SUGCT: variants seen among roughly 807,000 people sequenced by gnomAD.
The protein encoded by SUGCT is succinyl-CoA:glutarate CoA-transferase.
Under a neutral mutation model 55.0 loss-of-function variants are expected in SUGCT, and 41 were observed. The observed-to-expected ratio is 0.74, with a 90% CI of 0.58 to 0.97. SUGCT has a LOEUF of 0.97. Among genes scored for constraint, SUGCT ranks in the 50% least tolerant of loss-of-function variants. The probability of loss-of-function intolerance (pLI) is 0.00; values close to 1 mark genes in which losing one functional copy is unlikely to be tolerated. For missense variants in SUGCT, 568 were observed against 547.8 expected (o/e 1.04, Z -0.37); for synonymous variants, 187 against 200.4 (o/e 0.93, Z 0.56).
chr7:40,826,242 C>T (rs1322525103), intron 13 of SUGCT, among the ~76,000 whole-genome samples: 4 of 152,124 alleles, frequency 2.6e-5, no homozygotes, highest in Non-Finnish European at 4.4e-5. Flanking sequence ...TGAAGTAATT[C>T]CTGGCATCCT....
intron 10 of SUGCT, 141 bp from the exon 11 acceptor site, chr7:40,458,960 T>A: frequency 1.7e-6 from 1 of 594,114 alleles, no homozygotes; most frequent in Middle Eastern, 2.7e-4. Flanking sequence ...GCTTGTTCCC[T>A]CCATATGTCC....
intron 11 of SUGCT, among the ~76,000 whole-genome samples, chr7:40,480,999 G>T (rs1007274431): frequency 2.6e-5 from 4 of 152,124 alleles, no homozygotes; most frequent in African/African-American, 7.2e-5. Context: ...CATTAAACAT[G>T]GGGGCAGCAT....
At chr7:40,972,304 C>T in the SUGCT span, among the ~76,000 whole-genome samples, 1 of 152,194 alleles carries the variant, frequency 6.6e-6, no homozygotes, top group Non-Finnish European at 1.5e-5. Context: ...AAACAATCAT[C>T]ATAGCTGTCA....
At chr7:40,231,112 T>C (rs1386390991) in intron 6 of SUGCT, among the ~76,000 whole-genome samples, 4 of 152,134 alleles carry the variant, frequency 2.6e-5, no homozygotes, top group Non-Finnish European at 5.9e-5. Flanking sequence ...ATATGGACTG[T>C]TGGGGAATGC....
chr7:40,820,353 G>C (rs1469839084), intron 13 of SUGCT, among the ~76,000 whole-genome samples: 1 of 152,026 alleles, frequency 6.6e-6, no homozygotes, highest in Admixed American at 6.6e-5. Context: ...AATTACCTTG[G>C]GCAGTATGGC....
the SUGCT span, among the ~76,000 whole-genome samples, chr7:40,951,989 C>T: frequency 0.38 from 58,009 of 151,918 alleles, 11,743 homozygotes; most frequent in Admixed American, 0.49. Context: ...CAGAGCTGAG[C>T]TCAATTCCTG....
intron 7 of SUGCT, among the ~76,000 whole-genome samples, chr7:40,242,644 C>G (rs71536670): frequency 1.3e-5 from 2 of 151,982 alleles, no homozygotes; most frequent in South Asian, 4.1e-4. Context: ...CACCTTGCTT[C>G]TGCATGCTGC....
chr7:40,455,668 T>C (rs547670271), intron 10 of SUGCT, among the ~76,000 whole-genome samples: 1 of 152,244 alleles, frequency 6.6e-6, no homozygotes, highest in Non-Finnish European at 1.5e-5. Context: ...GATCTGAATT[T>C]GTTGAGAAAT....
chr7:40,837,255 T>G (rs1793033699), intron 13 of SUGCT, among the ~76,000 whole-genome samples: 1 of 152,208 alleles, frequency 6.6e-6, no homozygotes, highest in Non-Finnish European at 1.5e-5. Context: ...CTGTTCATGT[T>G]TTTTGCTCAT....
At chr7:40,371,945 A>AACACACACACACAC (rs137960410) in intron 9 of SUGCT, among the ~76,000 whole-genome samples, 73 of 147,794 alleles carry the variant, frequency 4.9e-4, no homozygotes, top group African/African-American at 1.8e-3. Flanking sequence ...ATACATCTCG[A>AACACACACACACAC]ACACACACAC....
At chr7:40,572,235 T>A (rs1209810329) in intron 12 of SUGCT, among the ~76,000 whole-genome samples, 1 of 152,118 alleles carries the variant, frequency 6.6e-6, no homozygotes, top group East Asian at 1.9e-4. Context: ...GTGTAGAAAA[T>A]TGACTGTAAA....
At chr7:40,694,130 T>C (rs2128654381) in intron 12 of SUGCT, among the ~76,000 whole-genome samples, 1 of 152,244 alleles carries the variant, frequency 6.6e-6, no homozygotes, top group East Asian at 1.9e-4. Context: ...GAGATCTTGA[T>C]TTTGACTGGC....
At chr7:40,641,477 T>C (rs1190974427) in intron 12 of SUGCT, among the ~76,000 whole-genome samples, 1 of 152,130 alleles carries the variant, frequency 6.6e-6, no homozygotes, top group Non-Finnish European at 1.5e-5. Flanking sequence ...GAGGGCACTC[T>C]TGGGTGCGGT....
chr7:40,984,091 G>A, the SUGCT span, among the ~76,000 whole-genome samples: 14 of 151,990 alleles, frequency 9.2e-5, no homozygotes, highest in African/African-American at 3.1e-4. Context: ...GGTTCCACCA[G>A]GTAACCACTC....
At chr7:40,924,390 C>G in the SUGCT span, among the ~76,000 whole-genome samples, 1 of 151,978 alleles carries the variant, frequency 6.6e-6, no homozygotes, top group Non-Finnish European at 1.5e-5. Context: ...CAGGCATGCA[C>G]CAGCATGCAC....
intron 13 of SUGCT, among the ~76,000 whole-genome samples, chr7:40,799,279 T>C (rs1350889768): frequency 1.3e-5 from 2 of 152,234 alleles, no homozygotes; most frequent in Non-Finnish European, 2.9e-5. Flanking sequence ...CTTTTCTTTT[T>C]CTTTTTTAAC....
intron 13 of SUGCT, among the ~76,000 whole-genome samples, chr7:40,853,054 A>C (rs1269587536): frequency 6.6e-6 from 1 of 150,798 alleles, no homozygotes; most frequent in Admixed American, 6.6e-5. Context: ...GTTTATTCCC[A>C]CAACCACTCA....
At chr7:40,277,470 G>A (rs1262326144) in intron 8 of SUGCT, among the ~76,000 whole-genome samples, 9 of 152,034 alleles carry the variant, frequency 5.9e-5, no homozygotes, top group Admixed American at 4.6e-4. Context: ...GATTATAGGC[G>A]TGAGCCACTG....
intron 11 of SUGCT, among the ~76,000 whole-genome samples, chr7:40,475,989 G>C (rs1790649423): frequency 6.6e-6 from 1 of 152,084 alleles, no homozygotes; most frequent in Admixed American, 6.6e-5. Context: ...GTATAGCAGG[G>C]GGGTGGGATG....
Sources: allele counts gnomAD v4.1 joint callset (sites outside exome capture counted in the v4.1 genomes callset), GRCh38; gene constraint gnomAD v4.1.1; transcripts MANE v1.5; gene names NCBI Gene and HGNC (gene_info 2026-07-23, HGNC 2026-07-21).